Variants in DNM3 observed in about 807,000 individuals in gnomAD.
DNM3 encodes dynamin-3.
In DNM3, 47 loss-of-function variants were observed where a neutral mutation model predicts 101.6. That is an observed-to-expected ratio of 0.46 (90% CI 0.37 to 0.59). DNM3 has a LOEUF of 0.59. DNM3 is among the 20% of genes least tolerant of loss of function. The pLI is 0.00. For synonymous variants in DNM3, 385 were observed against 387.9 expected, an observed-to-expected ratio of 0.99 and a Z score of 0.09; for missense variants, 849 against 1,085.7, an observed-to-expected ratio of 0.78 and a Z score of 3.06.
chr1:172,386,640 A>C, intron 18 of DNM3: 1 of 155,396 alleles, frequency 6.4e-6, no homozygotes, highest in South Asian at 2.0e-4. Context: ...TTGAGACGAC[A>C]CTGAAACTTG....
intron 2 of DNM3, among the ~76,000 whole-genome samples, chr1:171,941,750 G>A (rs1201045780): frequency 6.6e-6 from 1 of 152,170 alleles, no homozygotes; most frequent in African/African-American, 2.4e-5. Context: ...AGGAAAGAAA[G>A]TGAATTTATT....
At chr1:172,288,676 G>A (rs2063788980) in intron 15 of DNM3, among the ~76,000 whole-genome samples, 1 of 152,106 alleles carries the variant, frequency 6.6e-6, no homozygotes, top group South Asian at 2.1e-4. Flanking sequence ...AATGAGGTAG[G>A]GGAGAAAGAG....
chr1:172,265,914 TTC>T (rs1238639012), intron 15 of DNM3, among the ~76,000 whole-genome samples: 2 of 152,192 alleles, frequency 1.3e-5, no homozygotes, highest in African/African-American at 2.4e-5. Flanking sequence ...AAATAAGGCA[TTC>T]TTTCTACTTT....
chr1:172,375,958 C>CT (rs1249372487), intron 17 of DNM3, among the ~76,000 whole-genome samples: 1 of 151,870 alleles, frequency 6.6e-6, no homozygotes, highest in Non-Finnish European at 1.5e-5. Context: ...CGCCACTGCA[C>CT]TTCAGCCTGG....
At chr1:172,213,282 C>A (rs894317794) in intron 14 of DNM3, among the ~76,000 whole-genome samples, 2 of 151,868 alleles carry the variant, frequency 1.3e-5, no homozygotes, top group Non-Finnish European at 2.9e-5. Context: ...CTCCTCTATA[C>A]GTGCTTCAGA....
intron 10 of DNM3, among the ~76,000 whole-genome samples, chr1:172,055,972 T>G (rs1243420179): frequency 6.6e-6 from 1 of 152,084 alleles, no homozygotes; most frequent in African/African-American, 2.4e-5. Flanking sequence ...TGGGCGCAGG[T>G]CAGTGGGTGC....
chr1:171,941,517 C>T (rs2041814260), intron 2 of DNM3, among the ~76,000 whole-genome samples: 1 of 152,118 alleles, frequency 6.6e-6, no homozygotes, highest in South Asian at 2.1e-4. Flanking sequence ...CTGGAGAATA[C>T]TCCCCCTCAG....
intron 16 of DNM3, among the ~76,000 whole-genome samples, chr1:172,314,195 T>G (rs1400537306): frequency 1.3e-5 from 2 of 152,094 alleles, no homozygotes; most frequent in African/African-American, 4.8e-5. Context: ...TAGCAAAGAC[T>G]TAGGACCCAA....
intron 15 of DNM3, among the ~76,000 whole-genome samples, chr1:172,273,595 G>A (rs1174409036): frequency 6.6e-6 from 1 of 152,032 alleles, no homozygotes; most frequent in Admixed American, 6.6e-5. Flanking sequence ...TAAGGGTGTG[G>A]TAGAAGCACT....
chr1:172,319,562 G>T (rs950082351), intron 16 of DNM3, among the ~76,000 whole-genome samples: 4 of 152,160 alleles, frequency 2.6e-5, no homozygotes, highest in Non-Finnish European at 4.4e-5. Flanking sequence ...TCATCAAAAA[G>T]TGGGCAAAGG....
intron 14 of DNM3, among the ~76,000 whole-genome samples, chr1:172,203,910 C>T (rs535573406): frequency 1.3e-5 from 2 of 152,232 alleles, no homozygotes; most frequent in South Asian, 4.1e-4. Context: ...TCTTCATTTC[C>T]ATCACTATAA....
At chr1:172,247,419 G>A (rs1471982019) in intron 14 of DNM3, among the ~76,000 whole-genome samples, 1 of 152,100 alleles carries the variant, frequency 6.6e-6, no homozygotes, top group Non-Finnish European at 1.5e-5. Flanking sequence ...AGTACTCTCT[G>A]CAACATAGAA....
At chr1:172,107,983 A>G (rs1231319043) in intron 13 of DNM3, among the ~76,000 whole-genome samples, 5 of 152,114 alleles carry the variant, frequency 3.3e-5, no homozygotes, top group African/African-American at 7.2e-5. Flanking sequence ...TATGTTGATC[A>G]GAGCAGTCAG....
intron 14 of DNM3, among the ~76,000 whole-genome samples, chr1:172,186,454 G>A (rs768481711): frequency 5.9e-5 from 9 of 151,650 alleles, no homozygotes; most frequent in Non-Finnish European, 1.0e-4. Context: ...AGTACCAATC[G>A]TGGGTAAAAT....
chr1:171,987,575 G>T, intron 2 of DNM3, 81 bp from the exon 3 acceptor site: 2 of 1,370,992 alleles, frequency 1.5e-6, no homozygotes, highest in South Asian at 3.1e-5. Context: ...TGGATACTTT[G>T]ACTTATAATT....
intron 1 of DNM3, among the ~76,000 whole-genome samples, chr1:171,873,695 C>T (rs1288519376): frequency 1.3e-5 from 2 of 152,172 alleles, no homozygotes; most frequent in East Asian, 1.9e-4. Context: ...TGTAAAAATG[C>T]CTGATGTTCT....
At chr1:172,223,401 A>T (rs2060986355) in intron 14 of DNM3, among the ~76,000 whole-genome samples, 1 of 151,906 alleles carries the variant, frequency 6.6e-6, no homozygotes, top group Admixed American at 6.6e-5. Flanking sequence ...CATAAAAAAA[A>T]TCCCATATAT....
chr1:172,098,190 C>T (rs920069365), intron 13 of DNM3, among the ~76,000 whole-genome samples: 2 of 152,132 alleles, frequency 1.3e-5, no homozygotes, highest in South Asian at 4.2e-4. Context: ...ATACGGGAGA[C>T]TAGGGCTTAT....
At chr1:172,356,719 C>T (rs898941835) in intron 17 of DNM3, among the ~76,000 whole-genome samples, 1 of 152,034 alleles carries the variant, frequency 6.6e-6, no homozygotes, top group Non-Finnish European at 1.5e-5. Flanking sequence ...TTGTTTCTCT[C>T]CACCCACATG....
Sources: gnomAD v4.1 joint callset for allele counts (sites outside exome capture counted in the v4.1 genomes callset) on GRCh38, gnomAD v4.1.1 for gene constraint, MANE v1.5 for transcripts, NCBI Gene and HGNC (gene_info 2026-07-23, HGNC 2026-07-21) for gene names.